ADARB2: variants seen among roughly 807,000 people sequenced by gnomAD.
The protein encoded by ADARB2 is adenosine deaminase RNA specific B2 (inactive).
ADARB2 carries 25 observed loss-of-function variants against 62.2 expected under a neutral mutation model. The observed-to-expected ratio is 0.40, with a 90% CI of 0.29 to 0.56. ADARB2 has a LOEUF of 0.56. Among genes scored for constraint, ADARB2 ranks in the 20% least tolerant of loss-of-function variants. The probability of loss-of-function intolerance (pLI) is 0.43; values close to 1 mark genes in which losing one functional copy is unlikely to be tolerated. For missense variants in ADARB2, 1,071 were observed against 1,077.4 expected (o/e 0.99, Z 0.08); for synonymous variants, 572 against 500.8 (o/e 1.14, Z -1.90).
chr10:1,279,350 C>T (rs1336817885), intron 3 of ADARB2, among the ~76,000 whole-genome samples: 1 of 152,254 alleles, frequency 6.6e-6, no homozygotes, highest in Non-Finnish European at 1.5e-5. Flanking sequence ...TAGTCTCCCT[C>T]TGTTGCTCAG....
chr10:1,691,036 C>A (rs770752711), intron 1 of ADARB2, among the ~76,000 whole-genome samples: 36 of 152,110 alleles, frequency 2.4e-4, no homozygotes, highest in Non-Finnish European at 4.6e-4. Flanking sequence ...TGAATGGTGT[C>A]CCCCCAAATT....
At chr10:1,674,167 G>A (rs750083139) in intron 1 of ADARB2, among the ~76,000 whole-genome samples, 76 of 152,360 alleles carry the variant, frequency 5.0e-4, no homozygotes, top group Non-Finnish European at 9.7e-4. Flanking sequence ...AGTGCATTCC[G>A]TAATGTGTGC....
At position 1,207,306 on chromosome 10, in the gene ADARB2, A is replaced by G. The variant is rs369913009; in HGVS notation, c.1683-7159T>C. Among the ~76,000 whole-genome samples, 11 of 152,316 alleles carry G rather than the reference A, an allele frequency of 7.2e-5. No individual in the cohort carries two copies. In the South Asian group the frequency reaches 1.2e-3, roughly 17 times the overall value. On this transcript the variant is annotated intron_variant, in intron 7 of 9. Coordinates refer to ENST00000381312, the MANE Select transcript of ADARB2 (RefSeq NM_018702.4). ...GGCTGCAGTGAGCCGGGATCACGCCATGCACTCTAGCCTGGGTGACAAGAG... is the reference window on the plus strand; with the variant it reads ...GGCTGCAGTGAGCCGGGATCACGCCGTGCACTCTAGCCTGGGTGACAAGAG...
intron 1 of ADARB2, among the ~76,000 whole-genome samples, chr10:1,646,635 G>A (rs1012994589): frequency 2.6e-5 from 4 of 152,252 alleles, no homozygotes; most frequent in African/African-American, 9.6e-5. Flanking sequence ...TGAGAGCAGG[G>A]CTCTGGACTC....
intron 6 of ADARB2, among the ~76,000 whole-genome samples, chr10:1,227,260 G>A (rs574865524): frequency 1.4e-4 from 22 of 152,344 alleles, no homozygotes; most frequent in Admixed American, 3.3e-4. Context: ...TTGGAAAAGT[G>A]CAGAATTAGG....
intron 9 of ADARB2, among the ~76,000 whole-genome samples, chr10:1,184,031 C>T (rs1228779769): frequency 6.6e-6 from 1 of 152,198 alleles, no homozygotes; most frequent in Non-Finnish European, 1.5e-5. Flanking sequence ...AGGGAGACCC[C>T]GGCAGTGCCC....
chr10:1,252,990 A>G (rs886731065), intron 4 of ADARB2, among the ~76,000 whole-genome samples: 4 of 152,238 alleles, frequency 2.6e-5, no homozygotes, highest in Non-Finnish European at 4.4e-5. Context: ...ATGACAATAC[A>G]TCTGGGGAAT....
intron 1 of ADARB2, among the ~76,000 whole-genome samples, chr10:1,484,796 A>C (rs963307179): frequency 3.9e-5 from 6 of 152,124 alleles, no homozygotes; most frequent in Non-Finnish European, 8.8e-5. Flanking sequence ...AAATGCAGGT[A>C]CCCATGTAGA....
At position 1,242,241 on chromosome 10, in the gene ADARB2, G is replaced by A. The variant is rs183812854; in HGVS notation, c.1251C>T (p.Ser417=). The change falls in exon 5 of 10, where the codon AGC becomes AGT. Residue 417 remains serine, a synonymous_variant. Transcript: ENST00000381312. ...GCCCCTGGTCACTGAGGTGCTCGCC[G>A]CTGATGCACTTGGTCCCCGAGGACA... ...VALSSGTKCI[S]GEHLSDQGLV... The A allele has an allele frequency of 1.3e-4, 205 of 1,594,440 alleles. 1 individual carries two copies. In the East Asian group the frequency reaches 3.2e-3, roughly 25 times the overall value.
At chr10:1,345,652 T>C (rs1832074587) in intron 3 of ADARB2, among the ~76,000 whole-genome samples, 1 of 152,214 alleles carries the variant, frequency 6.6e-6, no homozygotes, top group African/African-American at 2.4e-5. Context: ...CCCGTGACTC[T>C]GATAGTGAGG....
intron 1 of ADARB2, among the ~76,000 whole-genome samples, chr10:1,462,161 C>T (rs889952799): frequency 1.3e-5 from 2 of 151,922 alleles, no homozygotes; most frequent in African/African-American, 4.8e-5. Flanking sequence ...CCACTTCCCA[C>T]CACCCCCAGG....
chr10:1,389,932 C>G (rs1832556018), intron 1 of ADARB2, among the ~76,000 whole-genome samples: 1 of 151,952 alleles, frequency 6.6e-6, no homozygotes, highest in Non-Finnish European at 1.5e-5. Flanking sequence ...TACGAATTAC[C>G]ACCTCCACTT....
intron 3 of ADARB2, chr10:1,291,275 A>G (rs1243742790): frequency 6.6e-6 from 1 of 152,198 alleles, no homozygotes; most frequent in African/African-American, 2.4e-5. Flanking sequence ...TCTTTGTCCC[A>G]TGACTTTGCC....
intron 1 of ADARB2, among the ~76,000 whole-genome samples, chr10:1,609,624 G>A (rs545192497): frequency 1.9e-4 from 29 of 152,366 alleles, no homozygotes; most frequent in Admixed American, 3.9e-4. Flanking sequence ...GAGGGACTGC[G>A]TGCTCTCTTA....
At chr10:1,601,757 G>A (rs74108945) in intron 1 of ADARB2, among the ~76,000 whole-genome samples, 1,551 of 152,276 alleles carry the variant, frequency 0.01, 26 homozygotes, top group African/African-American at 0.035. Context: ...TCTGTGCTCC[G>A]GGGTACTTCC....
chr10:1,340,779 A>G lies in ADARB2; in HGVS notation c.1077+22249T>C, dbSNP rs1161623194. Among the ~76,000 whole-genome samples, 293 of 134,404 alleles carry G rather than the reference A, an allele frequency of 2.2e-3. 2 individuals carry two copies. The highest frequency in any genetic ancestry group is 7.3e-3 in the African/African-American group (246 of 33,626). The allele number at this position is 134,404 out of a possible 152,430, so 88.2% of individuals were successfully genotyped here. A position where few individuals can be genotyped will look rare whatever the true frequency, so the allele number is the denominator to read the frequency against. ...CACGTGCCCCACAGCGGCGATAACC[A>G]GCATCCACCAGAGAACCACGCGCCC... On this transcript the variant is annotated intron_variant, in intron 3 of 9. Transcript: ENST00000381312.
chr10:1,285,494 C>T (rs1358344138), intron 3 of ADARB2, among the ~76,000 whole-genome samples: 1 of 152,176 alleles, frequency 6.6e-6, no homozygotes, highest in Non-Finnish European at 1.5e-5. Context: ...CACGTTGGAC[C>T]AGCAATGGTC....
chr10:1,635,649 T>C (rs1391075499), intron 1 of ADARB2, among the ~76,000 whole-genome samples: 1 of 152,204 alleles, frequency 6.6e-6, no homozygotes, highest in Non-Finnish European at 1.5e-5. Flanking sequence ...ACTGTCTTCA[T>C]CTCCCTTCCC....
chr10:1,590,395 G>C (rs10219132), intron 1 of ADARB2, among the ~76,000 whole-genome samples: 2,342 of 152,266 alleles, frequency 0.015, 58 homozygotes, highest in African/African-American at 0.053. Flanking sequence ...AATGTGAATG[G>C]GTTCTCGTTG....
Sources: gnomAD v4.1 joint callset for allele counts (sites outside exome capture counted in the v4.1 genomes callset) on GRCh38, gnomAD v4.1.1 for gene constraint, MANE v1.5 for transcripts, NCBI Gene and HGNC (gene_info 2026-07-23, HGNC 2026-07-21) for gene names.